ADGRB3: variants seen among roughly 807,000 people sequenced by gnomAD.
The protein encoded by ADGRB3 is adhesion G protein-coupled receptor B3.
Under a neutral mutation model 193.4 loss-of-function variants are expected in ADGRB3, and 37 were observed. That is an observed-to-expected ratio of 0.19 (90% CI 0.15 to 0.25). The LOEUF is 0.25. Among genes scored for constraint, ADGRB3 ranks in the 10% least tolerant of loss-of-function variants. ADGRB3 has a pLI of 1.00. For missense variants in ADGRB3, 1,637 were observed against 1,852.9 expected (o/e 0.88, Z 2.14); for synonymous variants, 690 against 644.2 (o/e 1.07, Z -1.08).
chr6:68,905,741 A>T (rs560588153), intron 3 of ADGRB3, among the ~76,000 whole-genome samples: 2 of 152,244 alleles, frequency 1.3e-5, no homozygotes, highest in Non-Finnish European at 2.9e-5. Flanking sequence ...ACTGTAAATT[A>T]GTTTTGCAAA....
At chr6:69,115,622 T>G (rs9446095) in intron 17 of ADGRB3, among the ~76,000 whole-genome samples, 37,266 of 151,890 alleles carry the variant, frequency 0.25, 4,654 homozygotes, top group African/African-American at 0.27. Flanking sequence ...AAGAAAGAAA[T>G]AAATAAAATT....
chr6:68,919,938 C>T (rs912579472), intron 3 of ADGRB3, among the ~76,000 whole-genome samples: 1 of 151,774 alleles, frequency 6.6e-6, no homozygotes, highest in Non-Finnish European at 1.5e-5. Flanking sequence ...TTGCAGTTAC[C>T]CTTTATTAAT....
chr6:69,294,433 A>G (rs1051176890), intron 20 of ADGRB3, among the ~76,000 whole-genome samples: 3 of 152,060 alleles, frequency 2.0e-5, no homozygotes, highest in African/African-American at 7.2e-5. Context: ...ATAGAAGTGG[A>G]ATATTTCAAC....
intron 17 of ADGRB3, among the ~76,000 whole-genome samples, chr6:69,091,129 T>G (rs546827329): frequency 6.6e-6 from 1 of 152,024 alleles, no homozygotes; most frequent in South Asian, 2.1e-4. Context: ...TACTAAAAAG[T>G]CAAGAAATAA....
chr6:68,873,127 G>A (rs1371785455), intron 3 of ADGRB3, among the ~76,000 whole-genome samples: 1 of 152,074 alleles, frequency 6.6e-6, no homozygotes, highest in Non-Finnish European at 1.5e-5. Flanking sequence ...CAGCATTGCT[G>A]AAACCCAAAA....
intron 17 of ADGRB3, among the ~76,000 whole-genome samples, chr6:69,185,610 T>C (rs1765049850): frequency 6.6e-6 from 1 of 152,168 alleles, no homozygotes; most frequent in Non-Finnish European, 1.5e-5. Flanking sequence ...ACGTTCATTC[T>C]TATCACTTCT....
intron 20 of ADGRB3, among the ~76,000 whole-genome samples, chr6:69,275,783 A>C (rs73469401): frequency 6.6e-6 from 1 of 152,054 alleles, no homozygotes; most frequent in Non-Finnish European, 1.5e-5. Flanking sequence ...TTCACAGTAC[A>C]TGGGAGTATG....
At chr6:68,919,037 C>T (rs932615334) in intron 3 of ADGRB3, among the ~76,000 whole-genome samples, 3 of 151,836 alleles carry the variant, frequency 2.0e-5, no homozygotes, top group Admixed American at 6.6e-5. Context: ...TATTCCTCTC[C>T]CAAGACTTCT....
At chr6:68,810,834 C>A (rs1245150756) in intron 3 of ADGRB3, among the ~76,000 whole-genome samples, 1 of 151,982 alleles carries the variant, frequency 6.6e-6, no homozygotes, top group Non-Finnish European at 1.5e-5. Flanking sequence ...ATGAGTGTAT[C>A]TTTAAAACAC....
chr6:68,638,005 A>G (rs928490910), intron 2 of ADGRB3, among the ~76,000 whole-genome samples: 4 of 152,226 alleles, frequency 2.6e-5, no homozygotes, highest in Non-Finnish European at 4.4e-5. Flanking sequence ...TAACTAATCC[A>G]CATGAATGCC....
intron 3 of ADGRB3, among the ~76,000 whole-genome samples, chr6:68,677,060 T>C (rs1297069417): frequency 3.3e-5 from 5 of 152,216 alleles, no homozygotes; most frequent in African/African-American, 1.2e-4. Context: ...GTGCACATCT[T>C]TTCATTTTGA....
intron 3 of ADGRB3, among the ~76,000 whole-genome samples, chr6:68,924,821 A>G (rs1252616762): frequency 6.6e-6 from 1 of 151,986 alleles, no homozygotes; most frequent in Non-Finnish European, 1.5e-5. Context: ...AAGAAAGAGC[A>G]TCAGTTAATC....
At chr6:68,750,301 T>C (rs1475524509) in intron 3 of ADGRB3, among the ~76,000 whole-genome samples, 1 of 152,192 alleles carries the variant, frequency 6.6e-6, no homozygotes, top group Non-Finnish European at 1.5e-5. Context: ...TAACTGGGAA[T>C]GTTTCAGCAT....
rs1771240721 is a variant in ADGRB3, at chr6:69,046,442, G to T, written c.2108-1743G>T. Among the ~76,000 whole-genome samples, 3 of 152,188 alleles carry T rather than the reference G, an allele frequency of 2.0e-5. No individual in the cohort carries two copies. In the South Asian group the frequency reaches 6.2e-4, roughly 32 times the overall value. On this transcript the variant is annotated intron_variant, in intron 13 of 31. Transcript: ENST00000370598. The stretch of plus-strand genomic sequence containing the variant: ...TACAGCAGGGATTTGGACCCTGCAG[G>T]AGAGATGAACTGGATTATTTATGGA...
chr6:69,344,820 G>A (rs1472306767), intron 26 of ADGRB3, among the ~76,000 whole-genome samples: 1 of 152,152 alleles, frequency 6.6e-6, no homozygotes, highest in Admixed American at 6.6e-5. Flanking sequence ...GAACAATGAG[G>A]TTGGAAGATT....
intron 3 of ADGRB3, among the ~76,000 whole-genome samples, chr6:68,689,156 G>T (rs926972521): frequency 1.3e-5 from 2 of 152,198 alleles, no homozygotes; most frequent in African/African-American, 2.4e-5. Context: ...GAAGTTGTCA[G>T]CTACCCAATG....
chr6:68,859,213 T>C (rs1367387942), intron 3 of ADGRB3, among the ~76,000 whole-genome samples: 2 of 152,154 alleles, frequency 1.3e-5, no homozygotes, highest in Non-Finnish European at 2.9e-5. Context: ...CCCAACAAAT[T>C]CCCCATCTCC....
At chr6:68,927,141 A>G (rs908390343) in intron 3 of ADGRB3, among the ~76,000 whole-genome samples, 1 of 151,802 alleles carries the variant, frequency 6.6e-6, no homozygotes, top group Non-Finnish European at 1.5e-5. Context: ...AACCCTGTAT[A>G]TTCATAAACC....
intron 3 of ADGRB3, among the ~76,000 whole-genome samples, chr6:68,894,252 A>G (rs1315190055): frequency 2.0e-5 from 3 of 151,910 alleles, no homozygotes; most frequent in Non-Finnish European, 2.9e-5. Context: ...TTCCTGACCA[A>G]TGCTCCACAT....
Sources: allele counts gnomAD v4.1 joint callset (sites outside exome capture counted in the v4.1 genomes callset), GRCh38; gene constraint gnomAD v4.1.1; transcripts MANE v1.5; gene names NCBI Gene and HGNC (gene_info 2026-07-23, HGNC 2026-07-21).